FGD4: variants seen among roughly 807,000 people sequenced by gnomAD.
FGD4 encodes FYVE, RhoGEF and PH domain-containing protein 4.
A neutral mutation model predicts 102.0 loss-of-function variants in FGD4; 42 were observed. The ratio of observed to expected loss-of-function variants is 0.41; its 90% confidence interval spans 0.32 to 0.53. The LOEUF (loss-of-function observed/expected upper bound fraction) is 0.53. Ranked by LOEUF, FGD4 falls within the 20% of genes least tolerant of loss-of-function variation. FGD4 has a pLI of 0.21. For synonymous variants in FGD4, 380 were observed against 375.7 expected (o/e 1.01, Z -0.13); for missense variants, 902 against 1,078.2 (o/e 0.84, Z 2.29).
At chr12:32,609,617 G>A (rs1433841266) in intron 8 of FGD4, among the ~76,000 whole-genome samples, 1 of 152,108 alleles carries the variant, frequency 6.6e-6, no homozygotes, top group African/African-American at 2.4e-5. Flanking sequence ...TTGGTGACAT[G>A]GTATGGCATT....
chr12:32,546,477 A>G (rs1943231014), intron 1 of FGD4, among the ~76,000 whole-genome samples: 2 of 152,264 alleles, frequency 1.3e-5, no homozygotes, highest in Non-Finnish European at 1.5e-5. Context: ...TGGCTTTGCC[A>G]CTTTTAACCA....
intron 1 of FGD4, among the ~76,000 whole-genome samples, chr12:32,514,835 A>T (rs942179564): frequency 4.6e-5 from 7 of 152,234 alleles, no homozygotes; most frequent in Non-Finnish European, 8.8e-5. Flanking sequence ...CATTTGTTTA[A>T]AAGGGATGCA....
At chr12:32,526,630 G>GC (rs1352373839) in intron 1 of FGD4, among the ~76,000 whole-genome samples, 2 of 152,212 alleles carry the variant, frequency 1.3e-5, no homozygotes, top group African/African-American at 4.8e-5. Flanking sequence ...TTGGCAACCT[G>GC]CTCAGGTCCC....
chr12:32,420,367 G>A (rs370360208), intron 1 of FGD4, among the ~76,000 whole-genome samples: 6 of 152,058 alleles, frequency 3.9e-5, no homozygotes, highest in East Asian at 1.9e-4. Context: ...ATGTCTTTCC[G>A]TTCCCTTTCA....
chr12:32,423,714 A>AATT (rs1348928333), intron 1 of FGD4, among the ~76,000 whole-genome samples: 1 of 152,030 alleles, frequency 6.6e-6, no homozygotes, highest in Admixed American at 6.5e-5. Flanking sequence ...ATCACATGCT[A>AATT]AGCAAGGGAT....
chr12:32,600,486 A>C, intron 5 of FGD4: 1 of 1,270,890 alleles, frequency 7.9e-7, no homozygotes, highest in Non-Finnish European at 1.0e-6. Flanking sequence ...TTCTGCCTAC[A>C]TGTAACAGAA....
intron 1 of FGD4, among the ~76,000 whole-genome samples, chr12:32,459,164 T>C (rs1238422198): frequency 1.3e-5 from 2 of 151,514 alleles, no homozygotes; most frequent in Non-Finnish European, 2.9e-5. Flanking sequence ...TGGCAAATTG[T>C]GTTTATTTGG....
intron 1 of FGD4, among the ~76,000 whole-genome samples, chr12:32,475,757 G>A (rs985267529): frequency 6.6e-6 from 1 of 152,280 alleles, no homozygotes; most frequent in Middle Eastern, 3.4e-3. Flanking sequence ...TCTCAAAAAA[G>A]GATCTTACCA....
chr12:32,481,157 A>AAAAAAAAAT, intron 1 of FGD4, among the ~76,000 whole-genome samples: 2 of 148,006 alleles, frequency 1.4e-5, no homozygotes, highest in Non-Finnish European at 3.0e-5. Context: ...AAAAAAAAAA[A>AAAAAAAAAT]GCCGGGCGCA....
intron 1 of FGD4, among the ~76,000 whole-genome samples, chr12:32,542,856 A>C (rs1156541508): frequency 6.6e-6 from 1 of 152,216 alleles, no homozygotes; most frequent in Admixed American, 6.5e-5. Context: ...TTTTCATATA[A>C]GGGGATGTCT....
intron 4 of FGD4, among the ~76,000 whole-genome samples, chr12:32,594,822 G>A (rs1395659428): frequency 3.3e-5 from 5 of 152,160 alleles, no homozygotes; most frequent in Non-Finnish European, 7.4e-5. Context: ...ACAAGGTCAG[G>A]AGTTCGAGAC....
chr12:32,632,689 T>TTTTA (rs1224159384), intron 14 of FGD4, among the ~76,000 whole-genome samples: 42 of 146,560 alleles, frequency 2.9e-4, no homozygotes, highest in Non-Finnish European at 3.4e-4. Flanking sequence ...TTATTTTTAT[T>TTTTA]TTTATTTATT....
At chr12:32,484,893 T>TA (rs1042643467) in intron 1 of FGD4, among the ~76,000 whole-genome samples, 2 of 151,860 alleles carry the variant, frequency 1.3e-5, no homozygotes, top group African/African-American at 4.8e-5. Flanking sequence ...AAAATAAAAA[T>TA]AAAAAATCCC....
chr12:32,608,071 T>C lies in FGD4; in HGVS notation c.1519T>C (p.Ser507Pro). 6.2e-7 allele frequency: 1 copy of C among 1,614,232 alleles called. No homozygotes were observed. Among genetic ancestry groups the C allele is most frequent in the Non-Finnish European group, 8.5e-7 (1 of 1,180,042 alleles). The change falls in exon 8 of 17, where the codon TCC (serine) becomes CCC (proline). Residue 507 changes from serine to proline, a missense_variant. Coordinates refer to ENST00000534526, the MANE Select transcript of FGD4 (RefSeq NM_001370298.3). ...CTATCTAAGGAAATTGCCTCCTGAT[T>C]CCCTGGACTGGAATGATGCTAAAAG... Reference protein sequence around the residue: ...KDYLRKLPPDSLDWNDAKKSL... With the variant: ...KDYLRKLPPDPLDWNDAKKSL...
intron 12 of FGD4, 157 bp from the exon 13 acceptor site, chr12:32,624,819 T>G (rs931340873): frequency 1.4e-6 from 1 of 695,266 alleles, no homozygotes; most frequent in Admixed American, 2.3e-5. Flanking sequence ...TATACAAATG[T>G]GCATATATTG....
At chr12:32,530,321 A>G (rs970185756) in intron 1 of FGD4, among the ~76,000 whole-genome samples, 3 of 152,082 alleles carry the variant, frequency 2.0e-5, no homozygotes, top group Non-Finnish European at 2.9e-5. Context: ...TGTCTCTACT[A>G]AAAAAACGAA....
chr12:32,421,422 CA>C (rs910704086), intron 1 of FGD4, among the ~76,000 whole-genome samples: 42 of 152,348 alleles, frequency 2.8e-4, no homozygotes, highest in African/African-American at 9.9e-4. Context: ...ATTTTCTTGG[CA>C]TCCTTTCTGA....
chr12:32,625,200 T>C, intron 13 of FGD4, 132 bp downstream of exon 13: 1 of 716,900 alleles, frequency 1.4e-6, no homozygotes, highest in Non-Finnish European at 2.5e-6. Context: ...AGAATCTCAT[T>C]CTTTCTTAGA....
intron 1 of FGD4, among the ~76,000 whole-genome samples, chr12:32,402,031 T>A (rs1411524542): frequency 6.7e-6 from 1 of 150,262 alleles, no homozygotes; most frequent in Non-Finnish European, 1.5e-5. Context: ...GCCTCCCGAG[T>A]AGCTGGGACT....
Sources: allele counts gnomAD v4.1 joint callset (sites outside exome capture counted in the v4.1 genomes callset), GRCh38; gene constraint gnomAD v4.1.1; transcripts MANE v1.5; gene names NCBI Gene and HGNC (gene_info 2026-07-23, HGNC 2026-07-21).